Variants in INPP4B observed in about 807,000 individuals in gnomAD.
The protein encoded by INPP4B is inositol polyphosphate-4-phosphatase type II B.
Under a neutral mutation model 122.5 loss-of-function variants are expected in INPP4B, and 55 were observed. That is an observed-to-expected ratio of 0.45 (90% CI 0.36 to 0.56). INPP4B has a LOEUF of 0.56. Ranked by LOEUF, INPP4B falls within the 20% of genes least tolerant of loss-of-function variation. The pLI is 0.00. For synonymous variants in INPP4B, 403 were observed against 388.7 expected (o/e 1.04, Z -0.43); for missense variants, 1,000 against 1,097.7 (o/e 0.91, Z 1.26).
intron 2 of INPP4B, among the ~76,000 whole-genome samples, chr4:142,665,122 T>C (rs2150602020): frequency 6.6e-6 from 1 of 152,346 alleles, no homozygotes; most frequent in Middle Eastern, 3.4e-3. Context: ...GGATATGCTG[T>C]CCATCATTGA....
intron 2 of INPP4B, among the ~76,000 whole-genome samples, chr4:142,647,391 C>T (rs974970605): frequency 6.6e-6 from 1 of 152,030 alleles, no homozygotes; most frequent in Non-Finnish European, 1.5e-5. Flanking sequence ...TGCCTGACAC[C>T]AACCCTTTCC....
intron 17 of INPP4B, among the ~76,000 whole-genome samples, chr4:142,149,359 C>CAG (rs1185110077): frequency 6.6e-6 from 1 of 152,056 alleles, no homozygotes; most frequent in Non-Finnish European, 1.5e-5. Flanking sequence ...CAAAAGCCAC[C>CAG]AGATAAGGTT....
intron 1 of INPP4B, among the ~76,000 whole-genome samples, chr4:142,794,222 T>C (rs1055274811): frequency 3.9e-5 from 6 of 152,138 alleles, no homozygotes; most frequent in Non-Finnish European, 7.4e-5. Context: ...TTGCCAGATA[T>C]CAAGTCTTAT....
At chr4:142,587,414 G>A (rs1351660030) in intron 2 of INPP4B, among the ~76,000 whole-genome samples, 8 of 151,932 alleles carry the variant, frequency 5.3e-5, no homozygotes, top group Admixed American at 3.9e-4. Flanking sequence ...TATCTGAAAA[G>A]TCTTCTATTT....
chr4:142,796,865 CAGAT>C (rs1487727220), intron 1 of INPP4B, among the ~76,000 whole-genome samples: 2 of 122,972 alleles, frequency 1.6e-5, no homozygotes, highest in South Asian at 5.6e-4. Flanking sequence ...ATGCGGAAAA[CAGAT>C]GTGTGTGTGT....
intron 2 of INPP4B, among the ~76,000 whole-genome samples, chr4:142,608,180 G>A (rs555911805): frequency 1.3e-5 from 2 of 152,154 alleles, no homozygotes; most frequent in Non-Finnish European, 2.9e-5. Flanking sequence ...CCTGCCATTA[G>A]TTAATGATTT....
intron 1 of INPP4B, among the ~76,000 whole-genome samples, chr4:142,828,778 CAAAT>C (rs1437828912): frequency 6.6e-6 from 1 of 151,818 alleles, no homozygotes; most frequent in Non-Finnish European, 1.5e-5. Flanking sequence ...ATGAAGTGCC[CAAAT>C]AAATAAGAGA....
intron 2 of INPP4B, among the ~76,000 whole-genome samples, chr4:142,694,071 A>T (rs1027672468): frequency 1.2e-4 from 18 of 152,216 alleles, no homozygotes; most frequent in Admixed American, 6.5e-4. Context: ...TTTATTAAAA[A>T]TTTTTTAAAA....
At chr4:142,444,012 ACT>A (rs1254690981) in intron 3 of INPP4B, among the ~76,000 whole-genome samples, 1 of 152,136 alleles carries the variant, frequency 6.6e-6, no homozygotes, top group Non-Finnish European at 1.5e-5. Context: ...TATGCTAAAA[ACT>A]CTAGTGGAAA....
Position 142,681,340 on chromosome 4 carries a change from C to T in INPP4B, c.-191+44499G>A, listed in dbSNP as rs1357377393. 3.3e-5 allele frequency among the ~76,000 whole-genome samples: 5 copies of T among 151,898 alleles called. No homozygotes were observed. In the South Asian group the frequency reaches 1.0e-3, roughly 32 times the overall value. On this transcript the variant is annotated intron_variant, in intron 2 of 25. Transcript: ENST00000262992. ...CCTATGATCACATAGTGAAGAGAAG[C>T]ATCCTGTTCAGAGCAAGTGATTCCA...
chr4:142,627,189 C>T (rs1455725804), intron 2 of INPP4B, among the ~76,000 whole-genome samples: 5 of 152,130 alleles, frequency 3.3e-5, no homozygotes, highest in East Asian at 1.9e-4. Flanking sequence ...ACAATCATGT[C>T]GTCTACAAAC....
chr4:142,285,136 G>C (rs138785013), intron 9 of INPP4B, among the ~76,000 whole-genome samples: 1 of 151,884 alleles, frequency 6.6e-6, no homozygotes, highest in Non-Finnish European at 1.5e-5. Context: ...TCAGAAAATA[G>C]GATGCTTAAA....
At chr4:142,307,157 G>A (rs1399154104) in intron 8 of INPP4B, among the ~76,000 whole-genome samples, 1 of 152,120 alleles carries the variant, frequency 6.6e-6, no homozygotes, top group Non-Finnish European at 1.5e-5. Context: ...AGCTGTATCA[G>A]CAAAGCATGC....
chr4:142,832,074 C>T (rs149765499), intron 1 of INPP4B, among the ~76,000 whole-genome samples: 363 of 152,262 alleles, frequency 2.4e-3, no homozygotes, highest in Non-Finnish European at 4.2e-3. Context: ...GGTTTTTCTA[C>T]ATTTAGCTGC....
At chr4:142,117,802 G>A (rs1794445407) in intron 21 of INPP4B, among the ~76,000 whole-genome samples, 1 of 152,114 alleles carries the variant, frequency 6.6e-6, no homozygotes, top group South Asian at 2.1e-4. Flanking sequence ...GGGCAATCAG[G>A]CAGGAGAAGG....
At chr4:142,417,030 A>G (rs1348124996) in intron 5 of INPP4B, among the ~76,000 whole-genome samples, 5 of 152,154 alleles carry the variant, frequency 3.3e-5, no homozygotes, top group African/African-American at 1.2e-4. Context: ...GAGATCAGAC[A>G]ACTTCGTGGG....
intron 16 of INPP4B, 140 bp from the exon 17 acceptor site, chr4:142,160,701 T>C (rs1042491693): frequency 8.1e-5 from 45 of 558,552 alleles, no homozygotes; most frequent in African/African-American, 8.0e-4. Flanking sequence ...GAGAAAATGA[T>C]TCATACCAAT....
intron 12 of INPP4B, among the ~76,000 whole-genome samples, chr4:142,237,031 A>T (rs1270993622): frequency 6.6e-6 from 1 of 152,196 alleles, no homozygotes; most frequent in African/African-American, 2.4e-5. Flanking sequence ...AGAGAAACAA[A>T]TTGATTAGTC....
intron 2 of INPP4B, among the ~76,000 whole-genome samples, chr4:142,464,790 A>G (rs1284185612): frequency 3.3e-5 from 5 of 152,210 alleles, no homozygotes; most frequent in Non-Finnish European, 7.3e-5. Context: ...ACTTTGGTCT[A>G]AATTTTTGTG....
Sources: gnomAD v4.1 joint callset for allele counts (sites outside exome capture counted in the v4.1 genomes callset) on GRCh38, gnomAD v4.1.1 for gene constraint, MANE v1.5 for transcripts, NCBI Gene and HGNC (gene_info 2026-07-23, HGNC 2026-07-21) for gene names.